VWC2: variants seen among roughly 807,000 people sequenced by gnomAD.
The protein encoded by VWC2 is von Willebrand factor C domain containing 2.
VWC2 carries 14 observed loss-of-function variants against 29.8 expected under a neutral mutation model. The ratio of observed to expected loss-of-function variants is 0.47; its 90% CI spans 0.31 to 0.74. The LOEUF is 0.74. Ranked by LOEUF, VWC2 falls within the 30% of genes least tolerant of loss-of-function variation. The pLI is 0.05. For missense variants in VWC2, 457 were observed against 459.8 expected (o/e 0.99, Z 0.05); for synonymous variants, 213 against 199.0 (o/e 1.07, Z -0.59).
intron 3 of VWC2, among the ~76,000 whole-genome samples, chr7:49,820,790 G>A (rs1044988364): frequency 1.5e-4 from 23 of 152,216 alleles, no homozygotes; most frequent in African/African-American, 5.5e-4. Flanking sequence ...TCTAGCACCT[G>A]AAACTTATCA....
chr7:49,838,771 T>G (rs184832561), intron 3 of VWC2, among the ~76,000 whole-genome samples: 39 of 152,328 alleles, frequency 2.6e-4, no homozygotes, highest in African/African-American at 7.2e-4. Flanking sequence ...TAACTTATAT[T>G]AAATCATTTA....
chr7:49,842,057 G>A lies in VWC2; in HGVS notation c.826+39217G>A, dbSNP rs1279024619. Reference sequence around the variant, plus strand: ...AACTTTTTGTATTTTTAGTAGAAACGAGGTTTCACCATGTTGCCCAGGCTG... The same window carrying A: ...AACTTTTTGTATTTTTAGTAGAAACAAGGTTTCACCATGTTGCCCAGGCTG... On this transcript the variant is annotated intron_variant, in intron 3 of 3. Transcript: ENST00000340652. Among the ~76,000 whole-genome samples the A allele has an allele frequency of 1.3e-5, 2 of 152,044 alleles. 1 individual carries two copies. Among genetic ancestry groups the A allele is most frequent in the South Asian group, 4.1e-4 (2 of 4,824 alleles).
rs368058526 is a variant in VWC2 at position 49,776,033 on chromosome 7, A to C, written c.598A>C (p.Ile200Leu). The C allele has an allele frequency of 3.9e-6, 6 of 1,546,978 alleles. No individual in the cohort carries two copies. In the African/African-American group the frequency reaches 4.1e-5, roughly 11 times the overall value. Residue 200 changes from isoleucine to leucine, a missense_variant, in exon 2 of 4, where the codon ATC (isoleucine) becomes CTC (leucine). Ile to Leu is a conservative substitution (Grantham distance 5). Around this residue, in one of 2 missense-constraint regions of VWC2, gnomAD observed 185 missense variants for 257.1 expected, o/e 0.72. Transcript: ENST00000340652. Reference protein sequence around the residue: ...PECPRLHPRCIHVDTSQCCPQ... With the variant: ...PECPRLHPRCLHVDTSQCCPQ... ...GTGCCCGAGGCTGCACCCGCGCTGC[A>C]TCCACGTCGACACGAGCCAGTGCTG...
At chr7:49,911,229 A>G (rs1793403744) in intron 3 of VWC2, among the ~76,000 whole-genome samples, 1 of 152,120 alleles carries the variant, frequency 6.6e-6, no homozygotes, top group African/African-American at 2.4e-5. Context: ...TACACCTGTA[A>G]TCCCAGCACT....
At chr7:49,854,380 T>G (rs1293163394) in intron 3 of VWC2, among the ~76,000 whole-genome samples, 1 of 152,108 alleles carries the variant, frequency 6.6e-6, no homozygotes, top group Non-Finnish European at 1.5e-5. Context: ...ACCTGTTGTT[T>G]CCTGACTTTT....
intron 2 of VWC2, among the ~76,000 whole-genome samples, chr7:49,802,178 C>T (rs1021308312): frequency 6.6e-6 from 1 of 152,238 alleles, no homozygotes; most frequent in Non-Finnish European, 1.5e-5. Flanking sequence ...TCTGGCTGGA[C>T]AGGAGAGGGA....
At chr7:49,777,279 G>C (rs1024027956) in intron 2 of VWC2, among the ~76,000 whole-genome samples, 2 of 152,298 alleles carry the variant, frequency 1.3e-5, no homozygotes, top group Non-Finnish European at 2.9e-5. Context: ...ACCCCTCCTG[G>C]AATTAGCCTG....
At chr7:49,881,380 A>G (rs568266610) in intron 3 of VWC2, among the ~76,000 whole-genome samples, 1 of 152,304 alleles carries the variant, frequency 6.6e-6, no homozygotes, top group South Asian at 2.1e-4. Context: ...CTGAAATTAT[A>G]TTTGTGGTCA....
chr7:49,836,671 A>C (rs926402344), intron 3 of VWC2, among the ~76,000 whole-genome samples: 2 of 151,114 alleles, frequency 1.3e-5, no homozygotes, highest in African/African-American at 4.9e-5. Context: ...TAAATAAATA[A>C]ATAAATAAAT....
At chr7:49,843,552 A>G (rs1394140819) in intron 3 of VWC2, among the ~76,000 whole-genome samples, 2 of 152,220 alleles carry the variant, frequency 1.3e-5, no homozygotes, top group Non-Finnish European at 2.9e-5. Flanking sequence ...AACAAACACC[A>G]AACAAAAAAC....
chr7:49,789,134 T>G (rs1583627391), intron 2 of VWC2, among the ~76,000 whole-genome samples: 1 of 140,036 alleles, frequency 7.1e-6, no homozygotes, highest in African/African-American at 2.8e-5. Flanking sequence ...TGTGTGTGAA[T>G]GGATGTATGA....
At chr7:49,849,173 T>C (rs906170611) in intron 3 of VWC2, among the ~76,000 whole-genome samples, 12 of 152,196 alleles carry the variant, frequency 7.9e-5, no homozygotes, top group Admixed American at 5.2e-4. Flanking sequence ...GAAACCCCAC[T>C]GGATCCCGTG....
At chr7:49,858,770 GT>G (rs1790531980) in intron 3 of VWC2, among the ~76,000 whole-genome samples, 1 of 152,032 alleles carries the variant, frequency 6.6e-6, no homozygotes, top group Admixed American at 6.5e-5. Context: ...TTTACCTTCA[GT>G]TTTGTTACTT....
intron 3 of VWC2, among the ~76,000 whole-genome samples, chr7:49,887,001 TCAAGG>T (rs915150910): frequency 1.3e-5 from 2 of 152,186 alleles, no homozygotes; most frequent in African/African-American, 4.8e-5. Flanking sequence ...TTACCTATAT[TCAAGG>T]CAAATTTTAA....
chr7:49,862,764 A>G (rs1790709976), intron 3 of VWC2, among the ~76,000 whole-genome samples: 1 of 148,106 alleles, frequency 6.8e-6, no homozygotes, highest in South Asian at 2.1e-4. Context: ...AATGTGTTGT[A>G]TTATGTCCAT....
At chr7:49,832,698 G>T (rs573490955) in intron 3 of VWC2, among the ~76,000 whole-genome samples, 1 of 152,240 alleles carries the variant, frequency 6.6e-6, no homozygotes, top group East Asian at 1.9e-4. Context: ...GTCTGCTGGG[G>T]CCTAGTGCAG....
At chr7:49,796,478 G>A (rs1294444192) in intron 2 of VWC2, among the ~76,000 whole-genome samples, 1 of 152,154 alleles carries the variant, frequency 6.6e-6, no homozygotes, top group African/African-American at 2.4e-5. Context: ...TCAGGTAACA[G>A]GATTGTGAAC....
intron 2 of VWC2, among the ~76,000 whole-genome samples, chr7:49,788,761 GGT>G (rs1249277508): frequency 7.0e-6 from 1 of 143,636 alleles, no homozygotes; most frequent in African/African-American, 2.7e-5. Flanking sequence ...TGGGTGTGGG[GGT>G]GTGAGAGAGG....
intron 2 of VWC2, among the ~76,000 whole-genome samples, chr7:49,798,696 C>T (rs573543747): frequency 2.6e-5 from 4 of 152,198 alleles, no homozygotes; most frequent in South Asian, 2.1e-4. Context: ...CTGGAGGACT[C>T]GTGTGGAGTT....
Sources: allele counts gnomAD v4.1 joint callset (sites outside exome capture counted in the v4.1 genomes callset), GRCh38; gene constraint gnomAD v4.1.1; regional missense constraint gnomAD v4.1.1; transcripts MANE v1.5; gene names NCBI Gene and HGNC (gene_info 2026-07-23, HGNC 2026-07-21).